PIWIL2: variants seen among roughly 807,000 people sequenced by gnomAD.
PIWIL2 encodes the protein piwi-like protein 2.
A neutral mutation model predicts 116.5 loss-of-function variants in PIWIL2; 81 were observed. That is an observed-to-expected ratio of 0.70 (90% CI 0.58 to 0.84). The LOEUF (loss-of-function observed/expected upper bound fraction) is 0.84, where lower values mean the gene tolerates loss of function less well. PIWIL2 is among the 40% of genes least tolerant of loss of function. PIWIL2 has a pLI of 0.00. For synonymous variants in PIWIL2, 489 were observed against 429.5 expected, an observed-to-expected ratio of 1.14 and a Z score of -1.71; for missense variants, 1,272 against 1,212.3, an observed-to-expected ratio of 1.05 and a Z score of -0.73.
At chr8:22,310,479 A>G (rs1221936302) in intron 15 of PIWIL2, among the ~76,000 whole-genome samples, 5 of 152,226 alleles carry the variant, frequency 3.3e-5, no homozygotes, top group Admixed American at 2.6e-4. Context: ...ACAAAATGGC[A>G]TATAATTACT....
chr8:22,318,313 T>C (rs775864602), intron 20 of PIWIL2, 38 bp downstream of exon 20: 2 of 1,240,206 alleles, frequency 1.6e-6, no homozygotes, highest in Non-Finnish European at 2.3e-6. Flanking sequence ...CTGGGGTTTT[T>C]TGTTTTTTTA....
chr8:22,344,738 T>C (rs1008955145), intron 20 of PIWIL2, among the ~76,000 whole-genome samples: 5 of 152,142 alleles, frequency 3.3e-5, no homozygotes, highest in African/African-American at 1.2e-4. Context: ...TATCTGGTCA[T>C]GATGGTACAC....
In PIWIL2 at chr8:22,319,868, C is replaced by T. The variant is rs557669359; in HGVS notation, c.2403+1593C>T. 4.7e-4 allele frequency among the ~76,000 whole-genome samples: 71 copies of T among 152,330 alleles called. 1 individual carries two copies. In the South Asian group the frequency reaches 6.4e-3, roughly 14 times the overall value. On this transcript the variant is annotated intron_variant, in intron 20 of 22. Coordinates refer to ENST00000356766, the MANE Select transcript of PIWIL2 (RefSeq NM_018068.5). ...CTAATTGTCCAAGGAGTCACAAAGT[C>T]CCACCCAGCTTTGAGGGGAGGGCAG...
In PIWIL2 at chr8:22,289,168, T is replaced by G. The variant is rs60525008; in HGVS notation, c.986+502T>G. ...TTCTTTTTTCTTTTTTTTTTTTTTT[T>G]TGAGAGACGGAGTCTCGCTCTGTCG... On this transcript the variant is annotated intron_variant, in intron 8 of 22. Coordinates refer to ENST00000356766, the MANE Select transcript of PIWIL2 (RefSeq NM_018068.5). Among the ~76,000 whole-genome samples the G allele has an allele frequency of 4.9e-3, 733 of 150,832 alleles. 2 individuals are homozygous for G. Among genetic ancestry groups the G allele is most frequent in the African/African-American group, 0.017 (704 of 41,154 alleles).
chr8:22,327,737 A>G (rs1831760763), intron 20 of PIWIL2, among the ~76,000 whole-genome samples: 1 of 152,130 alleles, frequency 6.6e-6, no homozygotes, highest in African/African-American at 2.4e-5. Context: ...GTGATGTTGA[A>G]CATCCTTCAT....
chr8:22,277,739 C>G (rs992982780), intron 1 of PIWIL2, among the ~76,000 whole-genome samples: 7 of 151,964 alleles, frequency 4.6e-5, no homozygotes, highest in Non-Finnish European at 1.5e-5. Flanking sequence ...CTAAACAGAT[C>G]AAGGAAGAGA....
intron 1 of PIWIL2, among the ~76,000 whole-genome samples, chr8:22,278,579 A>G (rs1260709216): frequency 1.3e-5 from 2 of 152,150 alleles, no homozygotes; most frequent in East Asian, 1.9e-4. Context: ...GTGAGAGGCT[A>G]TTTGGGTAGA....
chr8:22,356,044 G>A lies in PIWIL2; in HGVS notation c.*539G>A, dbSNP rs1307450226. Reference sequence around the variant, plus strand: ...GCCGAGATCACGCCACTGCACTCCAGCCTGTTGACAAAGCAAGACTCTGTC... The same window carrying A: ...GCCGAGATCACGCCACTGCACTCCAACCTGTTGACAAAGCAAGACTCTGTC... On this transcript the variant is annotated 3_prime_UTR_variant, in exon 23 of 23. Coordinates refer to ENST00000356766, the MANE Select transcript of PIWIL2 (RefSeq NM_018068.5). 2 of 149,838 alleles carry A rather than the reference G, an allele frequency of 1.3e-5. No individual in the cohort carries two copies. Among genetic ancestry groups the A allele is most frequent in the African/African-American group, 2.5e-5 (1 of 40,306 alleles). 9.3% of individuals were successfully genotyped at this position (149,838 alleles called of 1,614,324 possible).
chr8:22,279,105 T>C (rs180783849), intron 1 of PIWIL2, among the ~76,000 whole-genome samples: 2 of 151,470 alleles, frequency 1.3e-5, no homozygotes, highest in Admixed American at 1.3e-4. Flanking sequence ...GGAAAAATTA[T>C]CTTCCAGGAA....
chr8:22,283,313 T>G, intron 5 of PIWIL2, 73 bp downstream of exon 5: 2 of 1,214,444 alleles, frequency 1.6e-6, no homozygotes, highest in Non-Finnish European at 1.2e-6. Context: ...GTGTGTAGTA[T>G]TGTAAAATCT....
At chr8:22,303,438 A>T (rs557352705) in intron 10 of PIWIL2, among the ~76,000 whole-genome samples, 2 of 152,286 alleles carry the variant, frequency 1.3e-5, no homozygotes, top group South Asian at 2.1e-4. Flanking sequence ...GTCACCCAGG[A>T]TGGAGTGCAG....
chr8:22,325,320 C>T (rs1831696998), intron 20 of PIWIL2, among the ~76,000 whole-genome samples: 1 of 152,184 alleles, frequency 6.6e-6, no homozygotes, highest in South Asian at 2.1e-4. Context: ...GTGTGTAAGC[C>T]AGCCCTTCAG....
intron 10 of PIWIL2, among the ~76,000 whole-genome samples, chr8:22,301,580 C>T (rs904985870): frequency 1.3e-5 from 2 of 152,180 alleles, no homozygotes; most frequent in African/African-American, 4.8e-5. Context: ...AGGCATGAGC[C>T]ACCATGCCCG....
chr8:22,304,360 T>A (rs941914356), intron 11 of PIWIL2, 151 bp downstream of exon 11: 2 of 582,392 alleles, frequency 3.4e-6, no homozygotes, highest in African/African-American at 3.8e-5. Flanking sequence ...TGAGCTTGTT[T>A]GTGGGATTTG....
intron 11 of PIWIL2, 114 bp from the exon 12 acceptor site, chr8:22,304,670 C>G: frequency 1.7e-6 from 1 of 600,460 alleles, no homozygotes; most frequent in Admixed American, 2.8e-5. Context: ...GGCTCCTTGA[C>G]AAGAGTATTA....
intron 10 of PIWIL2, among the ~76,000 whole-genome samples, chr8:22,300,532 G>A (rs1253541644): frequency 6.6e-6 from 1 of 152,152 alleles, no homozygotes; most frequent in Non-Finnish European, 1.5e-5. Flanking sequence ...ACCTGGGAGC[G>A]GAATGGCGAG....
rs1832490385 is a variant in PIWIL2, at chr8:22,356,338, T to A, written c.*833T>A. On this transcript the variant is annotated 3_prime_UTR_variant, in exon 23 of 23. Transcript: ENST00000356766. ...GTTTGTGGCATAGGTCGGCCCTTGC[T>A]GACTAAATCCTCTCTGGGGATTGAA... The A allele has an allele frequency of 6.6e-6, 1 of 152,214 alleles. No homozygotes were observed. The highest frequency in any genetic ancestry group is 2.1e-4 in the South Asian group (1 of 4,826). 9.4% of individuals were successfully genotyped at this position (152,214 alleles called of 1,614,324 possible). A position where few individuals can be genotyped will look rare whatever the true frequency, so the allele number is the denominator to read the frequency against.
intron 10 of PIWIL2, among the ~76,000 whole-genome samples, chr8:22,292,524 T>C (rs1563360052): frequency 6.6e-6 from 1 of 152,260 alleles, no homozygotes; most frequent in Non-Finnish European, 1.5e-5. Context: ...ATAATTATTC[T>C]GTATCTCCTA....
intron 20 of PIWIL2, among the ~76,000 whole-genome samples, chr8:22,321,091 A>G (rs1182356061): frequency 6.6e-6 from 1 of 152,200 alleles, no homozygotes; most frequent in Non-Finnish European, 1.5e-5. Context: ...AGTAGTATTT[A>G]TTAAATTCTG....
Sources: gnomAD v4.1 joint callset for allele counts (sites outside exome capture counted in the v4.1 genomes callset) on GRCh38, gnomAD v4.1.1 for gene constraint, MANE v1.5 for transcripts, NCBI Gene and HGNC (gene_info 2026-07-23, HGNC 2026-07-21) for gene names.